Variants in PSMD9 observed in about 807,000 individuals in gnomAD.
The protein encoded by PSMD9 is 26S proteasome non-ATPase regulatory subunit 9.
A neutral mutation model predicts 25.9 loss-of-function variants in PSMD9; 26 were observed. The ratio of observed to expected loss-of-function variants is 1.00; its 90% CI spans 0.73 to 1.39. The LOEUF (loss-of-function observed/expected upper bound fraction) is 1.39, where lower values mean the gene tolerates loss of function less well. Among genes scored for constraint, PSMD9 ranks in the 40% most tolerant of loss-of-function variants. PSMD9 has a pLI of 0.00. For synonymous variants in PSMD9, 110 were observed against 114.5 expected (o/e 0.96, Z 0.25); for missense variants, 303 against 299.3 (o/e 1.01, Z -0.09).
At position 121,904,375 on chromosome 12, in the gene PSMD9, C is replaced by A. The variant is rs1399087853; in HGVS notation, c.555+1268C>A. On this transcript the variant is annotated intron_variant, in intron 4 of 5. Coordinates refer to ENST00000541212, the MANE Select transcript of PSMD9 (RefSeq NM_002813.7). ...GGATCACGAAGTCAGGAGTTGGAGA[C>A]CATCCTGGCTAACACGGTGAAACCC... Among the ~76,000 whole-genome samples, 3 of 148,916 alleles carry A rather than the reference C, an allele frequency of 2.0e-5. No individual in the cohort carries two copies. In the East Asian group the frequency reaches 5.9e-4, roughly 29 times the overall value.
intron 1 of PSMD9, among the ~76,000 whole-genome samples, chr12:121,892,183 C>T (rs980937529): frequency 1.3e-5 from 2 of 152,074 alleles, no homozygotes; most frequent in African/African-American, 4.8e-5. Context: ...AATAAGAGCT[C>T]TTACAACTCA....
At chr12:121,889,043 C>T (rs1592937379) in intron 1 of PSMD9, 49 bp downstream of exon 1, 2 of 1,547,466 alleles carry the variant, frequency 1.3e-6, no homozygotes, top group Non-Finnish European at 1.8e-6. Flanking sequence ...GGCCCGGAGT[C>T]CCTGGGGTAC....
intron 4 of PSMD9, among the ~76,000 whole-genome samples, chr12:121,907,300 C>G (rs927642405): frequency 1.3e-5 from 2 of 151,966 alleles, no homozygotes; most frequent in Non-Finnish European, 2.9e-5. Flanking sequence ...GAACTCCTGA[C>G]CTCAGGTGAT....
chr12:121,898,866 C>T (rs2596137), intron 2 of PSMD9: 133,260 of 152,112 alleles, frequency 0.88, 58,654 homozygotes, highest in African/African-American at 0.96. Flanking sequence ...GGACTACAGG[C>T]GCCTGCCATC....
chr12:121,899,908 G>C (rs909198308), intron 3 of PSMD9, 63 bp downstream of exon 3: 1 of 1,575,712 alleles, frequency 6.3e-7, no homozygotes, highest in Admixed American at 1.7e-5. Context: ...GGTAGCCTTC[G>C]GGGATGTGGA....
At chr12:121,895,880 C>T (rs1044265437) in intron 2 of PSMD9, among the ~76,000 whole-genome samples, 16 of 152,330 alleles carry the variant, frequency 1.1e-4, no homozygotes, top group African/African-American at 3.8e-4. Flanking sequence ...GGGCCATTAT[C>T]CACTCAGCCA....
At chr12:121,909,514 T>C (rs545769979) in intron 4 of PSMD9, among the ~76,000 whole-genome samples, 2 of 150,654 alleles carry the variant, frequency 1.3e-5, no homozygotes, top group East Asian at 2.0e-4. Flanking sequence ...AGAGACAGGG[T>C]CTTGCTATGT....
At chr12:121,898,107 CT>C (rs1186538846) in intron 2 of PSMD9, 1 of 152,160 alleles carries the variant, frequency 6.6e-6, no homozygotes, top group African/African-American at 2.4e-5. Flanking sequence ...AAGTGCATGT[CT>C]CCACTTGTTC....
At chr12:121,913,428 G>A (rs1879797712) in intron 4 of PSMD9, among the ~76,000 whole-genome samples, 1 of 151,292 alleles carries the variant, frequency 6.6e-6, no homozygotes, top group Non-Finnish European at 1.5e-5. Context: ...AGGTATAGGA[G>A]TTCTTTATAT....
At position 121,913,163 on chromosome 12, in the gene PSMD9, G is replaced by A. The variant is rs1048502723; in HGVS notation, c.556-2693G>A. On this transcript the variant is annotated intron_variant, in intron 4 of 5. Transcript: ENST00000541212. ...GTTTCACTGTGTTAGCCACGATGGT[G>A]TCAATCTCCTGACTTTGTGATCTGC... is the stretch of plus-strand genomic sequence containing the variant. Among the ~76,000 whole-genome samples, 3 of 151,918 alleles carry A rather than the reference G, an allele frequency of 2.0e-5. No homozygotes were observed. The East Asian group carries it at 5.9e-4, about 30-fold the overall frequency.
chr12:121,891,391 G>A (rs542874231), intron 1 of PSMD9, among the ~76,000 whole-genome samples: 245 of 148,402 alleles, frequency 1.7e-3, no homozygotes, highest in African/African-American at 6.0e-3. Context: ...ACGAGGTCAG[G>A]AGATCGAGAC....
At chr12:121,916,053 C>T in intron 5 of PSMD9, 109 bp downstream of exon 5, 3 of 1,284,930 alleles carry the variant, frequency 2.3e-6, no homozygotes, top group Non-Finnish European at 3.3e-6. Flanking sequence ...TGGGAATCCC[C>T]AGTTTGCATG....
At chr12:121,913,802 A>G (rs1052734011) in intron 4 of PSMD9, among the ~76,000 whole-genome samples, 39 of 152,062 alleles carry the variant, frequency 2.6e-4, no homozygotes, top group Admixed American at 6.6e-5. Flanking sequence ...CCCAGCATGT[A>G]TGTATTTTCT....
In PSMD9 at chr12:121,917,307, A is replaced by G. The variant is rs1879944528; in HGVS notation, c.*996A>G. 6.6e-6 allele frequency: 1 copy of G among 152,288 alleles called. No individual in the cohort carries two copies. The highest frequency in any genetic ancestry group is 1.5e-5 in the Non-Finnish European group (1 of 68,122). The allele number at this position is 152,288 out of a possible 1,614,324, so 9.4% of individuals were successfully genotyped here. On this transcript the variant is annotated 3_prime_UTR_variant, in exon 6 of 6. Transcript: ENST00000541212. Reference sequence around the variant, plus strand: ...CAGCCCACTGCTAGTTTGACTTTTTATAATTGAACCTCCTGGCTATGCCCT... The same window carrying G: ...CAGCCCACTGCTAGTTTGACTTTTTGTAATTGAACCTCCTGGCTATGCCCT...
intron 1 of PSMD9, among the ~76,000 whole-genome samples, chr12:121,893,657 A>T (rs766094574): frequency 1.3e-5 from 2 of 151,564 alleles, no homozygotes; most frequent in Non-Finnish European, 2.9e-5. Context: ...TGTCACTTGA[A>T]CCTCTGCCTG....
At chr12:121,916,167 A>G (rs1266426008) in intron 5 of PSMD9, 117 bp from the exon 6 acceptor site, 1 of 1,370,106 alleles carries the variant, frequency 7.3e-7, no homozygotes, top group Non-Finnish European at 1.0e-6. Context: ...TTCATGCACT[A>G]GGCATTTGCT....
intron 3 of PSMD9, among the ~76,000 whole-genome samples, chr12:121,901,668 T>C (rs1337184199): frequency 2.0e-4 from 4 of 20,234 alleles, no homozygotes; most frequent in Admixed American, 4.8e-4. Flanking sequence ...CATTCCTTCT[T>C]TTTTTTTTTT....
At position 121,900,033 on chromosome 12, in the gene PSMD9, G is replaced by C. The variant is rs879193840; in HGVS notation, c.453+188G>C. On this transcript the variant is annotated intron_variant, in intron 3 of 5. Transcript: ENST00000541212. ...GTGCTGGGGGCAGAGTTTTAGAGAG[G>C]GGTCAGCCCCGGCTGCCCACTACAT... 5.8e-6 allele frequency: 4 copies of C among 687,766 alleles called. No individual in the cohort carries two copies. In the Admixed American group the frequency reaches 1.1e-4, roughly 19 times the overall value. 42.6% of individuals were successfully genotyped at this position (687,766 alleles called of 1,614,324 possible).
intron 3 of PSMD9, 47 bp from the exon 4 acceptor site, chr12:121,902,959 C>A: frequency 6.8e-7 from 1 of 1,472,366 alleles, no homozygotes; most frequent in Non-Finnish European, 9.5e-7. Flanking sequence ...CCACCAGGAG[C>A]ACACTGAACC....
Sources: allele counts gnomAD v4.1 joint callset (sites outside exome capture counted in the v4.1 genomes callset), GRCh38; gene constraint gnomAD v4.1.1; transcripts MANE v1.5; gene names NCBI Gene and HGNC (gene_info 2026-07-23, HGNC 2026-07-21).